VAV1: variants seen among roughly 807,000 people sequenced by gnomAD.
The protein encoded by VAV1 is vav guanine nucleotide exchange factor 1.
VAV1 carries 33 observed loss-of-function variants against 128.1 expected under a neutral mutation model. The ratio of observed to expected loss-of-function variants is 0.26; its 90% CI spans 0.20 to 0.34. VAV1 has a LOEUF of 0.34. Among genes scored for constraint, VAV1 ranks in the 10% least tolerant of loss-of-function variants. VAV1 has a pLI of 1.00. For missense variants in VAV1, 715 were observed against 1,093.7 expected (o/e 0.65, Z 4.88); for synonymous variants, 394 against 409.8 (o/e 0.96, Z 0.47).
At chr19:6,829,284 G>A (rs1367952445) in intron 13 of VAV1, among the ~76,000 whole-genome samples, 2 of 151,640 alleles carry the variant, frequency 1.3e-5, no homozygotes, top group African/African-American at 4.9e-5. Flanking sequence ...AGCCTGGGTA[G>A]GGATGGGGCC....
chr19:6,821,714 C>T (rs1316892495), intron 3 of VAV1, 34 bp downstream of exon 3: 2 of 1,614,072 alleles, frequency 1.2e-6, no homozygotes, highest in Non-Finnish European at 1.7e-6. Flanking sequence ...GCCATTTAGC[C>T]CCAGTCCTCC....
At chr19:6,814,675 T>TTCCTTCCTTCCTTCCTTTCTTTCTTC (rs1568299213) in intron 1 of VAV1, among the ~76,000 whole-genome samples, 1 of 77,142 alleles carries the variant, frequency 1.3e-5, no homozygotes, top group Non-Finnish European at 2.4e-5. Context: ...TTCCTTCCTT[T>TTCCTTCCTTCCTTCCTTTCTTTCTTC]CTTTCTTTCT....
At chr19:6,787,044 G>A (rs1465106680) in intron 1 of VAV1, among the ~76,000 whole-genome samples, 1 of 141,668 alleles carries the variant, frequency 7.1e-6, no homozygotes, top group Non-Finnish European at 1.5e-5. Flanking sequence ...TTGAGATGGA[G>A]TCTTGCTCTG....
intron 1 of VAV1, among the ~76,000 whole-genome samples, chr19:6,814,716 C>CTTTT (rs1555701503): frequency 3.6e-4 from 48 of 132,092 alleles, no homozygotes; most frequent in Admixed American, 6.5e-4. Context: ...TTCTTTCTTT[C>CTTTT]TTTCTTTCTT....
chr19:6,845,011 C>T (rs1972483350), intron 22 of VAV1, among the ~76,000 whole-genome samples: 1 of 152,066 alleles, frequency 6.6e-6, no homozygotes, highest in Non-Finnish European at 1.5e-5. Context: ...GTTTGTTCAT[C>T]ATGGTTTCTT....
Position 6,841,967 on chromosome 19 carries a change from T to A in VAV1, c.1981-1168T>A, listed in dbSNP as rs374008787. On this transcript the variant is annotated intron_variant, in intron 21 of 26. Transcript: ENST00000602142. ...TCGGCCGGGCGCGGTGGTTCACGCC[T>A]GTAATCCCAACACTTTGGGAGGCCG... Among the ~76,000 whole-genome samples, 4 of 152,084 alleles carry A rather than the reference T, an allele frequency of 2.6e-5. No homozygotes were observed. The East Asian group carries it at 5.8e-4, about 22-fold the overall frequency.
chr19:6,842,541 A>G (rs1415658343), intron 21 of VAV1, among the ~76,000 whole-genome samples: 1 of 152,132 alleles, frequency 6.6e-6, no homozygotes, highest in African/African-American at 2.4e-5. Flanking sequence ...TCTTTTGGCT[A>G]GGCGTGGTGG....
In VAV1 at chr19:6,826,212, T is replaced by C. The variant is rs934178557; in HGVS notation, c.828-400T>C. Among the ~76,000 whole-genome samples, 6 of 150,734 alleles carry C rather than the reference T, an allele frequency of 4.0e-5. No individual in the cohort carries two copies. The South Asian group carries it at 6.3e-4, about 16-fold the overall frequency. ...AATTAGCCAGGCATGGTGGCAGGTG[T>C]CTGTAATCCCAGCTACTCGGGGGGC... is the stretch of plus-strand genomic sequence containing the variant. On this transcript the variant is annotated intron_variant, in intron 8 of 26. Coordinates refer to ENST00000602142, the MANE Select transcript of VAV1 (RefSeq NM_005428.4). This position sits in a 1 kb window ranked among gnomAD's most constrained non-coding sequence, Gnocchi z 4.1.
intron 22 of VAV1, 137 bp from the exon 23 acceptor site, chr19:6,847,861 C>T: frequency 1.4e-6 from 1 of 709,072 alleles, no homozygotes; most frequent in Non-Finnish European, 2.1e-6. Context: ...TACCTTGGTG[C>T]TGAAGGGCTG....
intron 15 of VAV1, among the ~76,000 whole-genome samples, chr19:6,832,846 A>G (rs1972118271): frequency 6.6e-6 from 1 of 152,152 alleles, no homozygotes; most frequent in South Asian, 2.1e-4. Flanking sequence ...GTATGATCGC[A>G]TGGCATTTTG....
At chr19:6,854,226 G>T (rs753912681) in intron 26 of VAV1, 128 bp downstream of exon 26, 47 of 1,254,460 alleles carry the variant, frequency 3.7e-5, no homozygotes, top group Non-Finnish European at 4.9e-5. Context: ...GGGAGGGAAG[G>T]AAGGGACACA....
At chr19:6,850,225 G>GTTTTTTTTT (rs760967154) in intron 23 of VAV1, among the ~76,000 whole-genome samples, 50 of 49,044 alleles carry the variant, frequency 1.0e-3, no homozygotes, top group Non-Finnish European at 1.3e-3. Flanking sequence ...TTGTTTCTTT[G>GTTTTTTTTT]TTTTTTTTTT....
At chr19:6,824,723 G>A (rs1348598396) in intron 6 of VAV1, among the ~76,000 whole-genome samples, 2 of 151,868 alleles carry the variant, frequency 1.3e-5, no homozygotes, top group Non-Finnish European at 1.5e-5. Flanking sequence ...GTAGAGACGG[G>A]GTTTCACCAT....
At chr19:6,789,111 C>T (rs1246920086) in intron 1 of VAV1, among the ~76,000 whole-genome samples, 2 of 152,160 alleles carry the variant, frequency 1.3e-5, no homozygotes, top group Non-Finnish European at 2.9e-5. Context: ...TGGGGGCGGG[C>T]AAACCAGTTT....
chr19:6,853,481 C>T (rs12104215), intron 25 of VAV1, among the ~76,000 whole-genome samples: 5,580 of 151,596 alleles, frequency 0.037, 370 homozygotes, highest in African/African-American at 0.13. Context: ...TCCAGCACTT[C>T]GGGAGGCCAA....
At chr19:6,774,418 G>A (rs1448459062) in intron 1 of VAV1, among the ~76,000 whole-genome samples, 2 of 136,920 alleles carry the variant, frequency 1.5e-5, no homozygotes, top group South Asian at 2.3e-4. Flanking sequence ...GTGAGCCACC[G>A]CGCCCAGCCT....
Position 6,828,470 on chromosome 19 carries a change from G to T in VAV1, c.1075G>T (p.Ala359Ser), listed in dbSNP as rs761920796. The change falls in exon 11 of 27, where the codon GCC becomes TCC. Residue 359 changes from alanine (A) to serine (S), a missense_variant. Ala to Ser is a moderately conservative substitution (Grantham distance 99). Coordinates refer to ENST00000602142, the MANE Select transcript of VAV1 (RefSeq NM_005428.4). The surrounding 1 kb of genome is among the most constrained non-coding windows in gnomAD (Gnocchi z 4.5). ...GATGGAGAAGGAGAACCTGCGGCTG[G>T]CCCTGGATGCCATGAGGGTGAGTGG... ...EAMEKENLRL[A>S]LDAMRDLAQC... is the part of the protein sequence containing the mutation. 1 of 1,614,168 alleles carries T rather than the reference G, an allele frequency of 6.2e-7. No homozygotes were observed. Among genetic ancestry groups the T allele is most frequent in the South Asian group, 1.1e-5 (1 of 91,074 alleles).
chr19:6,816,601 C>T (rs926644467), intron 1 of VAV1: 2 of 151,064 alleles, frequency 1.3e-5, no homozygotes, highest in South Asian at 2.1e-4. Flanking sequence ...TGCAGCTCCT[C>T]CCCTAACTTA....
chr19:6,773,220 C>T (rs543618533), intron 1 of VAV1, among the ~76,000 whole-genome samples: 14 of 152,286 alleles, frequency 9.2e-5, no homozygotes, highest in Middle Eastern at 6.8e-3. Flanking sequence ...TGTGGGTTCA[C>T]GGGCCCTGAG....
Sources: gnomAD v4.1 joint callset for allele counts (sites outside exome capture counted in the v4.1 genomes callset) on GRCh38, gnomAD v4.1.1 for gene constraint, Gnocchi (gnomAD v3.1) non-coding constraint, MANE v1.5 for transcripts, NCBI Gene and HGNC (gene_info 2026-07-23, HGNC 2026-07-21) for gene names.